SRFBP1: variants seen among roughly 807,000 people sequenced by gnomAD.
SRFBP1 encodes serum response factor binding protein 1, also known as serum response factor-binding protein 1.
A neutral mutation model predicts 45.5 loss-of-function variants in SRFBP1; 47 were observed. The observed-to-expected ratio is 1.03, with a 90% CI of 0.82 to 1.32. The LOEUF is 1.32. Among genes scored for constraint, SRFBP1 ranks in the 40% most tolerant of loss-of-function variants. The pLI is 0.00. For missense variants in SRFBP1, 621 were observed against 484.6 expected (o/e 1.28, Z -2.64); for synonymous variants, 203 against 166.3 (o/e 1.22, Z -1.70).
At chr5:121,966,583 C>T (rs1580494922) in intron 1 of SRFBP1, among the ~76,000 whole-genome samples, 1 of 152,118 alleles carries the variant, frequency 6.6e-6, no homozygotes, top group Admixed American at 6.5e-5. Flanking sequence ...AACAACAGTG[C>T]CATAGCATTT....
In SRFBP1 at chr5:122,053,438, C is replaced by G. The variant is rs1039487547; in HGVS notation, n.312-21877C>G. Among the ~76,000 whole-genome samples, 4 of 152,016 alleles carry G rather than the reference C, an allele frequency of 2.6e-5. No individual in the cohort carries two copies. The East Asian group carries it at 5.8e-4, about 22-fold the overall frequency. On this transcript the variant is annotated intron_variant and non_coding_transcript_variant, in intron 2 of 2. Coordinates refer to the SRFBP1 transcript ENST00000504881. ...CCTGTGCTCTGCCATTGGGGTGTTT[C>G]CCAGGACAACAGGAAGCTGCACCCT... is the stretch of plus-strand genomic sequence containing the variant.
At chr5:122,010,419 G>A (rs978949507) in intron 4 of SRFBP1, among the ~76,000 whole-genome samples, 1 of 152,078 alleles carries the variant, frequency 6.6e-6, no homozygotes, top group Non-Finnish European at 1.5e-5. Context: ...GCTGTAATTG[G>A]TATTTAATGT....
chr5:121,968,637 G>A (rs1752125013), intron 1 of SRFBP1, among the ~76,000 whole-genome samples: 1 of 152,096 alleles, frequency 6.6e-6, no homozygotes, highest in Non-Finnish European at 1.5e-5. Flanking sequence ...AATCTTGTGT[G>A]TAGCCTTTTC....
intron 2 of SRFBP1, among the ~76,000 whole-genome samples, chr5:122,039,971 C>T (rs1462196767): frequency 1.3e-5 from 2 of 152,048 alleles, no homozygotes; most frequent in Non-Finnish European, 2.9e-5. Context: ...TTTATCTGAT[C>T]CAGTATTACA....
In SRFBP1 at chr5:122,020,660, C is replaced by A. The variant is rs201788874; in HGVS notation, c.925C>A (p.Pro309Thr). Residue 309 changes from proline (P) to threonine (T), a missense_variant, in exon 6 of 8, where the codon CCA becomes ACA. Coordinates refer to ENST00000339397, the MANE Select transcript of SRFBP1 (RefSeq NM_152546.3). ...TCATTCTTCAGTTAAGGAACAAAAA[C>A]CACTAGAAAAAGTGTTTCTTAAAGA... ...SCHSSVKEQKPLEKVFLKEDT... is the reference protein window; with the variant it reads ...SCHSSVKEQKTLEKVFLKEDT... 245 of 1,613,750 alleles carry A rather than the reference C, an allele frequency of 1.5e-4. No individual in the cohort carries two copies. Among genetic ancestry groups the A allele is most frequent in the Non-Finnish European group, 1.9e-4 (225 of 1,179,956 alleles).
intron 4 of SRFBP1, among the ~76,000 whole-genome samples, chr5:122,005,838 T>C (rs758548342): frequency 6.6e-6 from 1 of 152,152 alleles, no homozygotes; most frequent in Non-Finnish European, 1.5e-5. Flanking sequence ...CATTTAGGTG[T>C]TATAATTTAC....
chr5:122,054,327 T>G (rs1016462879), intron 2 of SRFBP1, among the ~76,000 whole-genome samples: 1 of 152,168 alleles, frequency 6.6e-6, no homozygotes, highest in African/African-American at 2.4e-5. Context: ...CTTTCCTGTA[T>G]TGGAGAGGTT....
chr5:122,004,284 C>G (rs568828317), intron 4 of SRFBP1, among the ~76,000 whole-genome samples: 1 of 152,222 alleles, frequency 6.6e-6, no homozygotes, highest in African/African-American at 2.4e-5. Context: ...GGCCTTTAAT[C>G]CATTTTGAGT....
chr5:121,997,706 A>G (rs1470983625), intron 4 of SRFBP1, among the ~76,000 whole-genome samples: 2 of 151,664 alleles, frequency 1.3e-5, no homozygotes, highest in African/African-American at 4.8e-5. Flanking sequence ...AGCAAAAGAA[A>G]CTACCATCAG....
intron 2 of SRFBP1, among the ~76,000 whole-genome samples, chr5:122,035,248 C>T (rs1753674287): frequency 6.6e-6 from 1 of 152,072 alleles, no homozygotes; most frequent in Non-Finnish European, 1.5e-5. Context: ...TCTTTCAGGC[C>T]TACATCCTCA....
chr5:122,037,501 C>T (rs1753711939), intron 2 of SRFBP1, among the ~76,000 whole-genome samples: 1 of 152,030 alleles, frequency 6.6e-6, no homozygotes, highest in Admixed American at 6.6e-5. Flanking sequence ...TAGCTCTTCT[C>T]TTTTTATTTT....
intron 3 of SRFBP1, among the ~76,000 whole-genome samples, chr5:121,980,083 G>C (rs1752378221): frequency 6.6e-6 from 1 of 151,986 alleles, no homozygotes. Flanking sequence ...GTTTCCTCCT[G>C]GTAAAGGAAG....
At chr5:122,045,860 C>T (rs1753846737) in intron 2 of SRFBP1, among the ~76,000 whole-genome samples, 1 of 152,030 alleles carries the variant, frequency 6.6e-6, no homozygotes, top group African/African-American at 2.4e-5. Flanking sequence ...TTATTCTTGC[C>T]TGATTGCACT....
chr5:122,017,159 G>A (rs1376183763), intron 4 of SRFBP1, among the ~76,000 whole-genome samples: 1 of 152,144 alleles, frequency 6.6e-6, no homozygotes, highest in Non-Finnish European at 1.5e-5. Flanking sequence ...AACCCGGGAG[G>A]CGGAGGTTGC....
chr5:121,979,177 CA>C (rs1455239039), intron 3 of SRFBP1, among the ~76,000 whole-genome samples: 1 of 152,054 alleles, frequency 6.6e-6, no homozygotes, highest in African/African-American at 2.4e-5. Context: ...TATATCATAC[CA>C]CTTGAACCTC....
intron 2 of SRFBP1, chr5:122,070,316 G>T: frequency 1.5e-6 from 1 of 654,884 alleles, no homozygotes; most frequent in Non-Finnish European, 2.7e-6. Context: ...GAAAGAGACT[G>T]CATATTTTCC....
At chr5:121,988,855 G>A (rs912693167) in intron 3 of SRFBP1, among the ~76,000 whole-genome samples, 1 of 152,048 alleles carries the variant, frequency 6.6e-6, no homozygotes, top group Admixed American at 6.5e-5. Context: ...TTTCCAAATT[G>A]AAATGTATCT....
intron 1 of SRFBP1, among the ~76,000 whole-genome samples, chr5:121,962,748 T>C (rs1751976907): frequency 6.6e-6 from 1 of 152,244 alleles, no homozygotes; most frequent in African/African-American, 2.4e-5. Flanking sequence ...CTCTGGTTTC[T>C]GCTTCTATTC....
intron 4 of SRFBP1, among the ~76,000 whole-genome samples, chr5:121,996,769 T>C (rs776068024): frequency 4.0e-4 from 44 of 108,952 alleles, no homozygotes; most frequent in African/African-American, 1.5e-3. Flanking sequence ...AAAACCCCAT[T>C]GTCTCAGCCC....
Sources: allele counts gnomAD v4.1 joint callset (sites outside exome capture counted in the v4.1 genomes callset), GRCh38; gene constraint gnomAD v4.1.1; transcripts MANE v1.5; gene names NCBI Gene and HGNC (gene_info 2026-07-23, HGNC 2026-07-21).